The following SLC36A4 variants were observed in gnomAD, a reference collection of about 807,000 sequenced individuals.
SLC36A4 encodes solute carrier family 36 member 4.
In SLC36A4, 49 loss-of-function variants were observed where a neutral mutation model predicts 50.5. The ratio of observed to expected loss-of-function variants is 0.97; its 90% CI spans 0.77 to 1.23. The LOEUF (loss-of-function observed/expected upper bound fraction) is 1.23. SLC36A4 is among the 50% of genes most tolerant of loss of function. The probability of loss-of-function intolerance (pLI) is 0.00; values close to 1 mark genes in which losing one functional copy is unlikely to be tolerated. For synonymous variants in SLC36A4, 207 were observed against 206.5 expected, an observed-to-expected ratio of 1.00 and a Z score of -0.02; for missense variants, 611 against 608.4, an observed-to-expected ratio of 1.00 and a Z score of -0.05.
intron 1 of SLC36A4, among the ~76,000 whole-genome samples, chr11:93,191,950 G>A (rs1283774680): frequency 3.9e-5 from 6 of 152,072 alleles, no homozygotes; most frequent in Non-Finnish European, 5.9e-5. Flanking sequence ...CAATTAAATA[G>A]GTTACAATGG....
rs1353539566 is a variant in SLC36A4, at chr11:93,181,753, A to G, written c.393T>C (p.Thr131=). The part of the protein sequence containing the change: ...FKKSTLGYSD[T]VSFAMEVSPW... The stretch of plus-strand genomic sequence containing the variant: ...GACTCACTTCCATAGCAAAGCTCAC[A>G]GTGTCACTATAACCTAATGTTGACT... The change falls in exon 5 of 11, where the codon ACT becomes ACC. Residue 131 remains threonine, a synonymous_variant. Coordinates refer to ENST00000326402, the MANE Select transcript of SLC36A4 (RefSeq NM_152313.4). The G allele has an allele frequency of 6.4e-7, 1 of 1,554,728 alleles. No homozygotes were observed. Among genetic ancestry groups the G allele is most frequent in the Non-Finnish European group, 8.7e-7 (1 of 1,144,694 alleles).
intron 3 of SLC36A4, among the ~76,000 whole-genome samples, chr11:93,183,920 A>G (rs550727925): frequency 6.6e-6 from 1 of 152,098 alleles, no homozygotes; most frequent in South Asian, 2.1e-4. Context: ...GGATGGTCTC[A>G]ATCTCCTGAC....
At chr11:93,152,219 T>C (rs2134627843) in intron 10 of SLC36A4, 1 of 152,240 alleles carries the variant, frequency 6.6e-6, no homozygotes, top group East Asian at 1.9e-4. Context: ...GCCTCCACTC[T>C]CATTGCTAGT....
At chr11:93,176,101 C>T (rs1250758122) in intron 6 of SLC36A4, among the ~76,000 whole-genome samples, 1 of 145,454 alleles carries the variant, frequency 6.9e-6, no homozygotes, top group African/African-American at 2.6e-5. Context: ...TTGTAGGTCA[C>T]TCAGGACTTG....
Position 93,145,635 on chromosome 11 carries a change from AG to A in SLC36A4, c.*2901del. ...AAGCTTTCCTTTCTTTCCCCTCAGT[AG>A]CAGAAAAGTCTCTCAGGCAACTGAT... On this transcript the variant is annotated 3_prime_UTR_variant, in exon 11 of 11. Transcript: ENST00000326402. 6.6e-6 allele frequency: 1 copy of A among 152,228 alleles called. No individual in the cohort carries two copies. Among genetic ancestry groups the A allele is most frequent in the African/African-American group, 2.4e-5 (1 of 41,566 alleles). The allele number at this position is 152,228 out of a possible 1,614,324, so 9.4% of individuals were successfully genotyped here.
rs986734566 is a variant in SLC36A4, at chr11:93,146,520, GT to G, written c.*2016del. 2.2e-4 allele frequency: 33 copies of G among 152,032 alleles called. No individual in the cohort carries two copies. The highest frequency in any genetic ancestry group is 7.2e-4 in the African/African-American group (30 of 41,550). 9.4% of individuals were successfully genotyped at this position (152,032 alleles called of 1,614,324 possible). A position where few individuals can be genotyped will look rare whatever the true frequency, so the allele number is the denominator to read the frequency against. On this transcript the variant is annotated 3_prime_UTR_variant, in exon 11 of 11. Coordinates refer to ENST00000326402, the MANE Select transcript of SLC36A4 (RefSeq NM_152313.4). ...TTACTGTTGATACCTAATGTGAATG[GT>G]TAAAAAAGTTTTGATTCTTATGACT...
rs1287773465 is a variant in SLC36A4, at chr11:93,154,274, T to TA, written c.1040dup (p.Leu347PhefsTer39). ...AATATAGAATTTTCACTGATTGATATAACCTGTTGAAAAAAATTTTCAAAA... is the reference window on the plus strand; with the variant it reads ...AATATAGAATTTTCACTGATTGATATAAACCTGTTGAAAAAAATTTTCAAAA... On this transcript the variant is annotated frameshift_variant, in exon 10 of 11. Transcript: ENST00000326402. LOFTEE classifies it high-confidence loss of function. 5 of 1,361,976 alleles carry TA rather than the reference T, an allele frequency of 3.7e-6. No homozygotes were observed. The Admixed American group carries it at 1.4e-4, about 39-fold the overall frequency. 84.4% of individuals were successfully genotyped at this position (1,361,976 alleles called of 1,614,324 possible).
intron 6 of SLC36A4, chr11:93,179,989 A>T: frequency 1.6e-6 from 1 of 615,712 alleles, no homozygotes; most frequent in African/African-American, 2.0e-5. Context: ...ACAAATGCAC[A>T]AGAACCTACA....
rs943673025 is a variant in SLC36A4, at chr11:93,184,504, T to G, written c.196A>C (p.Met66Leu). 6 of 1,603,778 alleles carry G rather than the reference T, an allele frequency of 3.7e-6. No homozygotes were observed. The highest frequency in any genetic ancestry group is 5.1e-6 in the Non-Finnish European group (6 of 1,171,680). ...CCAATATTTCCTTTAAGAAGGTGCA[T>G]AAGAGTTTGTACAAATCTGAAAAGT... ...QEGISFVQTL[M>L]HLLKGNIGTG... Residue 66 changes from methionine (M) to leucine (L), a missense_variant, in exon 3 of 11, where the codon ATG becomes CTG. Coordinates refer to ENST00000326402, the MANE Select transcript of SLC36A4 (RefSeq NM_152313.4).
rs1281254613 is a variant in SLC36A4, at chr11:93,154,160, T to C, written c.1155A>G (p.Lys385=). 2.6e-6 allele frequency: 4 copies of C among 1,566,046 alleles called. No homozygotes were observed. The highest frequency in any genetic ancestry group is 3.5e-6 in the Non-Finnish European group (4 of 1,159,240). ...TCCCAAATTCACAGATTTGCTTCCA[T>C]TTAGTATGAAATTTGGATGTGATCC... ...IPGITSKFHT[K]WKQICEFGIR... is the part of the protein sequence containing the mutation. The change falls in exon 10 of 11, where the codon AAA becomes AAG. Residue 385 remains lysine (K), a synonymous_variant. Coordinates refer to ENST00000326402, the MANE Select transcript of SLC36A4 (RefSeq NM_152313.4).
chr11:93,183,057 A>G (rs1328258379), intron 3 of SLC36A4, among the ~76,000 whole-genome samples, 163 bp from the exon 4 acceptor site: 2 of 152,180 alleles, frequency 1.3e-5, no homozygotes, highest in African/African-American at 4.8e-5. Context: ...TGCAGAAGGA[A>G]TTTCGAGTAA....
In SLC36A4 at chr11:93,144,483, T is replaced by C. The variant is rs1248090303; in HGVS notation, c.*4054A>G. 1.3e-5 allele frequency: 2 copies of C among 152,064 alleles called. No individual in the cohort carries two copies. Among genetic ancestry groups the C allele is most frequent in the African/African-American group, 4.8e-5 (2 of 41,450 alleles). 9.4% of individuals were successfully genotyped at this position (152,064 alleles called of 1,614,324 possible). On this transcript the variant is annotated 3_prime_UTR_variant, in exon 11 of 11. Coordinates refer to ENST00000326402, the MANE Select transcript of SLC36A4 (RefSeq NM_152313.4). ...ATTTAGTATTAGTATCTAGTTCACA[T>C]AGATTACTGATTTGTGTGTGTGTCT...
chr11:93,151,937 C>T (rs1860107087), intron 10 of SLC36A4: 1 of 151,992 alleles, frequency 6.6e-6, no homozygotes, highest in Admixed American at 6.6e-5. Flanking sequence ...TACCGTCCCT[C>T]CTCCCTCACT....
At chr11:93,183,429 T>C (rs975413460) in intron 3 of SLC36A4, among the ~76,000 whole-genome samples, 2 of 152,212 alleles carry the variant, frequency 1.3e-5, no homozygotes, top group East Asian at 1.9e-4. Context: ...ATTACCCAGA[T>C]ACAACCAAAA....
At chr11:93,153,416 T>A (rs1389487304) in intron 10 of SLC36A4, among the ~76,000 whole-genome samples, 2 of 152,124 alleles carry the variant, frequency 1.3e-5, no homozygotes, top group Non-Finnish European at 2.9e-5. Context: ...AAGGAAGTTT[T>A]ATCTTCATTT....
chr11:93,176,990 T>C (rs1861505398), intron 6 of SLC36A4, among the ~76,000 whole-genome samples: 1 of 152,292 alleles, frequency 6.6e-6, no homozygotes, highest in Middle Eastern at 3.4e-3. Context: ...TGAATTTGAA[T>C]GTTGGCCTGT....
rs147480140 is a variant in SLC36A4 at position 93,163,746 on chromosome 11, C to T, written c.868-871G>A. ...AGTAGGAGGGGGATTAGTTCTATCGCCTGGAGGGAGGAGGGTTTCTAGGAT... is the reference window on the plus strand; with the variant it reads ...AGTAGGAGGGGGATTAGTTCTATCGTCTGGAGGGAGGAGGGTTTCTAGGAT... On this transcript the variant is annotated intron_variant, in intron 8 of 10. Transcript: ENST00000326402. Among the ~76,000 whole-genome samples the T allele has an allele frequency of 2.7e-3, 413 of 151,748 alleles. 6 individuals are homozygous for T. The highest frequency in any genetic ancestry group is 9.4e-3 in the African/African-American group (387 of 41,358).
At position 93,185,713 on chromosome 11, in the gene SLC36A4, G is replaced by A; in HGVS notation, c.157C>T (p.Leu53Phe). 1 of 1,595,038 alleles carries A rather than the reference G, an allele frequency of 6.3e-7. No homozygotes were observed. Among genetic ancestry groups the A allele is most frequent in the Non-Finnish European group, 8.5e-7 (1 of 1,174,902 alleles). ...TACGAAATGCCCTCTTGATCATCAA[G>A]TTGGTAATGCTTCTGAACAGGCAGA... ...ELLPVQKHYQLDDQEGISFVQ... is the reference protein window; with the variant it reads ...ELLPVQKHYQFDDQEGISFVQ... Residue 53 changes from leucine (L) to phenylalanine (F), a missense_variant, in exon 2 of 11, where the codon CTT (leucine) becomes TTT (phenylalanine). Coordinates refer to ENST00000326402, the MANE Select transcript of SLC36A4 (RefSeq NM_152313.4).
rs1861887644 is a variant in SLC36A4 at position 93,184,475 on chromosome 11, A to C, written c.225T>G (p.Thr75=). The part of the protein sequence containing the change: ...LMHLLKGNIG[T]GLLGLPLAIK... ...TTGCCAATGGAAGTCCTAAAAGGCCAGTTCCAATATTTCCTTTAAGAAGGT... is the reference window on the plus strand; with the variant it reads ...TTGCCAATGGAAGTCCTAAAAGGCCCGTTCCAATATTTCCTTTAAGAAGGT... Residue 75 remains threonine (T), a synonymous_variant, in exon 3 of 11, where the codon ACT becomes ACG. Transcript: ENST00000326402. 6.2e-7 allele frequency: 1 copy of C among 1,612,240 alleles called. No individual in the cohort carries two copies. The highest frequency in any genetic ancestry group is 1.3e-5 in the African/African-American group (1 of 74,888).
Sources: allele counts gnomAD v4.1 joint callset (sites outside exome capture counted in the v4.1 genomes callset), GRCh38; gene constraint gnomAD v4.1.1; transcripts MANE v1.5; gene names NCBI Gene and HGNC (gene_info 2026-07-23, HGNC 2026-07-21).